PRH1: variants seen among roughly 807,000 people sequenced by gnomAD.
PRH1 encodes the protein salivary acidic proline-rich phosphoprotein 1/2.
A neutral mutation model predicts 7.9 loss-of-function variants in PRH1; 7 were observed. The observed-to-expected ratio is 0.89, with a 90% confidence interval of 0.50 to 1.67. PRH1 has a LOEUF of 1.67. Ranked by LOEUF, PRH1 falls within the 40% of genes most tolerant of loss-of-function variation. The probability of loss-of-function intolerance (pLI) is 0.00; values close to 1 mark genes in which losing one functional copy is unlikely to be tolerated. For missense variants in PRH1, 109 were observed against 223.6 expected, an observed-to-expected ratio of 0.49 and a Z score of 3.27; for synonymous variants, 45 against 80.8, an observed-to-expected ratio of 0.56 and a Z score of 2.38.
intron 1 of PRH1, among the ~76,000 whole-genome samples, chr12:11,128,455 C>T (rs369339703): frequency 8.6e-5 from 13 of 151,854 alleles, no homozygotes; most frequent in African/African-American, 3.1e-4. Context: ...AGTATAATCA[C>T]CTATAAAAAG....
At chr12:11,001,340 G>T (rs1034887576) in intron 1 of PRH1, among the ~76,000 whole-genome samples, 23 of 152,078 alleles carry the variant, frequency 1.5e-4, no homozygotes, top group African/African-American at 5.1e-4. Flanking sequence ...TTTATTAGCA[G>T]AAGTGGAGCT....
At chr12:10,993,525 G>T (rs932625090) in intron 1 of PRH1, among the ~76,000 whole-genome samples, 3 of 152,168 alleles carry the variant, frequency 2.0e-5, no homozygotes. Flanking sequence ...TAGGGGTCCA[G>T]TGCTCCTAGT....
At chr12:11,083,952 C>CT (rs370723529) in intron 1 of PRH1, among the ~76,000 whole-genome samples, 8,365 of 56,592 alleles carry the variant, frequency 0.15, 187 homozygotes, top group Non-Finnish European at 0.21. Context: ...AATTAAGTTC[C>CT]CTTCAAAGAC....
rs549558124 is a variant in PRH1 at position 11,057,641 on chromosome 12, C to T, written n.124-10453G>A. 3.9e-5 allele frequency among the ~76,000 whole-genome samples: 6 copies of T among 152,338 alleles called. No individual in the cohort carries two copies. In the East Asian group the frequency reaches 7.7e-4, roughly 20 times the overall value. On this transcript the variant is annotated intron_variant and non_coding_transcript_variant, in intron 1 of 4. Coordinates refer to the PRH1 transcript ENST00000541977. Reference sequence around the variant, plus strand: ...CTTTCTATAACCGGATTCACTTAACCTATCTGGCCTCTACCAAAACCAGAT... The same window carrying T: ...CTTTCTATAACCGGATTCACTTAACTTATCTGGCCTCTACCAAAACCAGAT...
At chr12:11,050,618 T>A (rs1445081467), upstream of PRH1, among the ~76,000 whole-genome samples, 2 of 152,274 alleles carry the variant, frequency 1.3e-5, no homozygotes, top group Non-Finnish European at 2.9e-5. Context: ...CTCAAGTCTG[T>A]TTTTTGTTTA....
At chr12:11,153,652 T>C (rs774489333) in intron 1 of PRH1, among the ~76,000 whole-genome samples, 19 of 152,148 alleles carry the variant, frequency 1.2e-4, no homozygotes, top group Admixed American at 2.0e-4. Context: ...GGAATGCTGA[T>C]ACCACTCTAT....
intron 1 of PRH1, among the ~76,000 whole-genome samples, chr12:10,991,547 T>G (rs980772017): frequency 6.6e-6 from 1 of 152,042 alleles, no homozygotes; most frequent in Non-Finnish European, 1.5e-5. Flanking sequence ...ACTTTGACAT[T>G]TGAAAAAAAG....
chr12:10,971,108 AC>A (rs1938794526), intron 2 of PRH1, among the ~76,000 whole-genome samples: 2 of 152,210 alleles, frequency 1.3e-5, no homozygotes, highest in Non-Finnish European at 2.9e-5. Flanking sequence ...CCCCGTGTTT[AC>A]CACATCTTGG....
intron 1 of PRH1, among the ~76,000 whole-genome samples, chr12:11,072,161 A>G (rs1252544037): frequency 6.6e-6 from 1 of 152,018 alleles, no homozygotes; most frequent in African/African-American, 2.4e-5. Flanking sequence ...TTCTTTTTTT[A>G]GTTTTTGTAG....
At chr12:10,973,523 T>C (rs1938933524) in intron 2 of PRH1, 2 of 566,598 alleles carry the variant, frequency 3.5e-6, no homozygotes, top group Non-Finnish European at 6.3e-6. Flanking sequence ...AATACCCTCC[T>C]TGAGTAGGCT....
Position 11,020,776 on chromosome 12 carries a change from T to C in PRH1, c.-126+26244A>G, listed in dbSNP as rs535554897. Among the ~76,000 whole-genome samples the C allele has an allele frequency of 2.0e-3, 304 of 152,242 alleles. 1 individual carries two copies. The highest frequency in any genetic ancestry group is 7.1e-3 in the African/African-American group (294 of 41,534). On this transcript the variant is annotated intron_variant, in intron 1 of 3. Coordinates refer to the PRH1 transcript ENST00000539853. ...CTGTTTTTTTAAGATAGAGAATATT[T>C]GAGTTTTTTTGAGGAATATTAGGAA...
At position 10,960,042 on chromosome 12, in the gene PRH1, C is replaced by T. The variant is rs73262937; in HGVS notation, c.-59+13613G>A. Among the ~76,000 whole-genome samples, 403 of 152,266 alleles carry T rather than the reference C, an allele frequency of 2.6e-3. 1 individual carries two copies. Among genetic ancestry groups the T allele is most frequent in the African/African-American group, 9.5e-3 (396 of 41,528 alleles). The stretch of plus-strand genomic sequence containing the variant: ...ACATGAAGACTAACCATTGGCAACA[C>T]GCACTCACTGGTGATCTTAACAAAT... On this transcript the variant is annotated intron_variant, in intron 2 of 3. Coordinates refer to the PRH1 transcript ENST00000539853.
At chr12:11,161,993 TTA>T (rs1476309522) in intron 1 of PRH1, among the ~76,000 whole-genome samples, 2 of 152,188 alleles carry the variant, frequency 1.3e-5, no homozygotes, top group Non-Finnish European at 2.9e-5. Context: ...GTCAAATAAA[TTA>T]TGAGTGATTT....
chr12:11,146,729 T>C (rs1946871928), intron 1 of PRH1, among the ~76,000 whole-genome samples: 1 of 152,210 alleles, frequency 6.6e-6, no homozygotes, highest in Non-Finnish European at 1.5e-5. Flanking sequence ...CTTAGTCCTT[T>C]TGGACTATTT....
chr12:10,899,580 G>T (rs1424492245), intron 2 of PRH1, among the ~76,000 whole-genome samples: 1 of 152,054 alleles, frequency 6.6e-6, no homozygotes, highest in African/African-American at 2.4e-5. Context: ...ATGCCCCTTT[G>T]GTTTATTCTC....
At chr12:11,023,260 G>A (rs192338593) in intron 1 of PRH1, among the ~76,000 whole-genome samples, 35 of 152,152 alleles carry the variant, frequency 2.3e-4, no homozygotes, top group African/African-American at 6.5e-4. Flanking sequence ...CACACCCTTA[G>A]GGCATGGAAG....
intron 1 of PRH1, among the ~76,000 whole-genome samples, chr12:11,137,851 T>C (rs933710012): frequency 2.0e-5 from 3 of 152,188 alleles, no homozygotes; most frequent in African/African-American, 4.8e-5. Context: ...TAGATAATGA[T>C]AATGATGATG....
chr12:11,086,441 T>TA (rs1387830235), intron 1 of PRH1, among the ~76,000 whole-genome samples: 2 of 147,516 alleles, frequency 1.4e-5, no homozygotes, highest in African/African-American at 5.0e-5. Context: ...AAATAGATGT[T>TA]AAAATCAGTC....
At chr12:10,981,515 A>G (rs2135971175) in intron 1 of PRH1, among the ~76,000 whole-genome samples, 1 of 151,868 alleles carries the variant, frequency 6.6e-6, no homozygotes, top group Admixed American at 6.6e-5. Flanking sequence ...CTTGGATTAC[A>G]GGTGCAACAC....
Sources: allele counts gnomAD v4.1 joint callset (sites outside exome capture counted in the v4.1 genomes callset), GRCh38; gene constraint gnomAD v4.1.1; transcripts MANE v1.5; gene names NCBI Gene and HGNC (gene_info 2026-07-23, HGNC 2026-07-21).